SIPA1L1: variants seen among roughly 807,000 people sequenced by gnomAD.
SIPA1L1 encodes signal induced proliferation associated 1 like 1, also known as signal-induced proliferation-associated 1-like protein 1.
In SIPA1L1, 26 loss-of-function variants were observed where a neutral mutation model predicts 162.7. The observed-to-expected ratio is 0.16, with a 90% CI of 0.12 to 0.22. The LOEUF is 0.22. Ranked by LOEUF, SIPA1L1 falls within the 10% of genes least tolerant of loss-of-function variation. SIPA1L1 has a pLI of 1.00. For synonymous variants in SIPA1L1, 829 were observed against 837.4 expected, an observed-to-expected ratio of 0.99 and a Z score of 0.17; for missense variants, 1,874 against 2,241.0, an observed-to-expected ratio of 0.84 and a Z score of 3.31.
chr14:71,411,101 C>T (rs2140296397), intron 2 of SIPA1L1, among the ~76,000 whole-genome samples: 1 of 152,180 alleles, frequency 6.6e-6, no homozygotes, highest in South Asian at 2.1e-4. Context: ...GCCCACACAT[C>T]AGACTTTTCT....
intron 7 of SIPA1L1, among the ~76,000 whole-genome samples, chr14:71,637,503 G>T (rs1302974248): frequency 3.3e-5 from 5 of 152,164 alleles, no homozygotes; most frequent in African/African-American, 1.2e-4. Flanking sequence ...GCTGAGGTGG[G>T]AGGATCATTT....
At chr14:71,517,241 T>G (rs1277482824) in intron 3 of SIPA1L1, among the ~76,000 whole-genome samples, 1 of 152,132 alleles carries the variant, frequency 6.6e-6, no homozygotes, top group Non-Finnish European at 1.5e-5. Flanking sequence ...TACAAAACTT[T>G]TGGGAAGCTT....
At chr14:71,357,618 G>A (rs144649222) in intron 2 of SIPA1L1, among the ~76,000 whole-genome samples, 3,290 of 152,236 alleles carry the variant, frequency 0.022, 116 homozygotes, top group African/African-American at 0.075. Context: ...CTGCAGCGCA[G>A]TGGCATGATC....
chr14:71,444,264 AC>A (rs1203985900), intron 2 of SIPA1L1, among the ~76,000 whole-genome samples: 2 of 152,190 alleles, frequency 1.3e-5, no homozygotes, highest in Non-Finnish European at 2.9e-5. Flanking sequence ...TACAAATAGC[AC>A]GGAGCTACAG....
chr14:71,642,897 T>G (rs2041849877), intron 7 of SIPA1L1, among the ~76,000 whole-genome samples: 1 of 150,592 alleles, frequency 6.6e-6, no homozygotes, highest in South Asian at 2.1e-4. Flanking sequence ...TGGACAGAAT[T>G]AACAGCAGAT....
At chr14:71,673,605 G>A (rs916174095) in intron 12 of SIPA1L1, among the ~76,000 whole-genome samples, 8 of 152,184 alleles carry the variant, frequency 5.3e-5, no homozygotes, top group Admixed American at 2.6e-4. Context: ...GTGTGTGTGC[G>A]TGTGTGTGTT....
chr14:71,485,498 G>A (rs542012781), intron 2 of SIPA1L1, among the ~76,000 whole-genome samples: 7 of 152,066 alleles, frequency 4.6e-5, no homozygotes, highest in Admixed American at 2.0e-4. Flanking sequence ...GTGCATGTGA[G>A]GGATCTAGGT....
chr14:71,349,669 G>C (rs1224175080), intron 2 of SIPA1L1, among the ~76,000 whole-genome samples: 1 of 152,202 alleles, frequency 6.6e-6, no homozygotes, highest in Admixed American at 6.5e-5. Flanking sequence ...CAGGAGCCAG[G>C]ATGGTTTCAA....
intron 3 of SIPA1L1, among the ~76,000 whole-genome samples, chr14:71,515,609 T>C (rs1031143630): frequency 1.3e-4 from 20 of 152,190 alleles, no homozygotes; most frequent in African/African-American, 4.6e-4. Flanking sequence ...CCACATAATA[T>C]GGTCCATAAT....
chr14:71,678,117 T>C (rs538752751), intron 12 of SIPA1L1, among the ~76,000 whole-genome samples: 2 of 152,314 alleles, frequency 1.3e-5, no homozygotes, highest in African/African-American at 4.8e-5. Context: ...CTTTTCCTAA[T>C]TGAATACCCT....
At chr14:71,723,955 G>A (rs1207575721) in intron 18 of SIPA1L1, 69 bp downstream of exon 18, 57 of 1,585,608 alleles carry the variant, frequency 3.6e-5, no homozygotes, top group Admixed American at 1.7e-4. Flanking sequence ...AAAGCTTGGC[G>A]TGATCTCTTA....
intron 7 of SIPA1L1, among the ~76,000 whole-genome samples, chr14:71,625,982 T>C (rs2039941852): frequency 6.6e-6 from 1 of 152,210 alleles, no homozygotes; most frequent in Non-Finnish European, 1.5e-5. Context: ...GGTGCTGATC[T>C]GTGATAAATA....
At chr14:71,527,058 T>C (rs888862181) in intron 3 of SIPA1L1, among the ~76,000 whole-genome samples, 1 of 152,248 alleles carries the variant, frequency 6.6e-6, no homozygotes, top group Non-Finnish European at 1.5e-5. Flanking sequence ...TAATTTTATT[T>C]CATTGTAGTT....
chr14:71,390,396 T>G (rs897155613), intron 2 of SIPA1L1, among the ~76,000 whole-genome samples: 1 of 152,238 alleles, frequency 6.6e-6, no homozygotes, highest in South Asian at 2.1e-4. Context: ...ATCGTGTTTA[T>G]GAACTTAATA....
At chr14:71,475,113 G>A (rs890991668) in intron 2 of SIPA1L1, among the ~76,000 whole-genome samples, 3 of 152,198 alleles carry the variant, frequency 2.0e-5, no homozygotes, top group South Asian at 2.1e-4. Flanking sequence ...AGTGTTCCTT[G>A]TGCATGTGAG....
chr14:71,628,039 C>T (rs2040205901), intron 7 of SIPA1L1, among the ~76,000 whole-genome samples: 1 of 152,022 alleles, frequency 6.6e-6, no homozygotes, highest in Non-Finnish European at 1.5e-5. Flanking sequence ...AATCCCAGCA[C>T]TTTGGGAAGC....
intron 4 of SIPA1L1, among the ~76,000 whole-genome samples, chr14:71,558,557 G>A (rs1177176820): frequency 6.6e-6 from 1 of 152,170 alleles, no homozygotes; most frequent in Admixed American, 6.5e-5. Context: ...ATCAGAAATG[G>A]CGTGGAAGGC....
intron 2 of SIPA1L1, among the ~76,000 whole-genome samples, chr14:71,394,776 A>G (rs1254958210): frequency 1.3e-5 from 2 of 152,258 alleles, no homozygotes; most frequent in Admixed American, 6.5e-5. Flanking sequence ...TAAAGTTAAG[A>G]TAAACTTAAG....
At position 71,358,769 on chromosome 14, in the gene SIPA1L1, A is replaced by T. The variant is rs76222301; in HGVS notation, c.-465+37588A>T. Among the ~76,000 whole-genome samples, 1,285 of 152,286 alleles carry T rather than the reference A, an allele frequency of 8.4e-3. 47 individuals carry two copies. The highest frequency in any genetic ancestry group is 0.062 in the Admixed American group (950 of 15,290). On this transcript the variant is annotated intron_variant, in intron 2 of 23. Transcript: ENST00000381232. ...ACAGCTTCTGGGGAGGCCTCAGGAA[A>T]CTTTTAGTCATGGCAGAGGGAAGCA...
Sources: gnomAD v4.1 joint callset for allele counts (sites outside exome capture counted in the v4.1 genomes callset) on GRCh38, gnomAD v4.1.1 for gene constraint, MANE v1.5 for transcripts, NCBI Gene and HGNC (gene_info 2026-07-23, HGNC 2026-07-21) for gene names.